The following PTPRQ variants were observed in gnomAD, a reference collection of about 807,000 sequenced individuals.
The protein encoded by PTPRQ is phosphatidylinositol phosphatase PTPRQ.
Under a neutral mutation model 246.0 loss-of-function variants are expected in PTPRQ, and 199 were observed. That is an observed-to-expected ratio of 0.81 (90% CI 0.72 to 0.91). The LOEUF is 0.91. Ranked by LOEUF, PTPRQ falls within the 40% of genes least tolerant of loss-of-function variation. The pLI, the probability that PTPRQ is intolerant of heterozygous loss-of-function variation, is 0.00. For missense variants in PTPRQ, 2,624 were observed against 2,528.4 expected, an observed-to-expected ratio of 1.04 and a Z score of -0.81; for synonymous variants, 869 against 853.2, an observed-to-expected ratio of 1.02 and a Z score of -0.32.
At chr12:80,670,570 A>G (rs185362063) in intron 42 of PTPRQ, 78 bp downstream of exon 42, 3 of 1,398,592 alleles carry the variant, frequency 2.1e-6, no homozygotes, top group African/African-American at 1.5e-5. Flanking sequence ...TTTTTTATAA[A>G]ATGTTCATGT....
intron 33 of PTPRQ, among the ~76,000 whole-genome samples, chr12:80,628,638 T>C (rs1238766647): frequency 6.6e-6 from 1 of 152,310 alleles, no homozygotes; most frequent in East Asian, 1.9e-4. Context: ...AGCAAATATT[T>C]ATTTAATATT....
At chr12:80,678,947 C>T (rs1901232515) in intron 44 of PTPRQ, 39 bp from the exon 45 acceptor site, 2 of 1,523,032 alleles carry the variant, frequency 1.3e-6, no homozygotes, top group East Asian at 2.5e-5. Context: ...GAACTGTTAA[C>T]TTCAACACTC....
intron 35 of PTPRQ, among the ~76,000 whole-genome samples, chr12:80,638,893 G>A (rs116636568): frequency 3.9e-4 from 60 of 152,252 alleles, no homozygotes; most frequent in African/African-American, 1.3e-3. Context: ...ATAATTCTTA[G>A]GAAGAATATG....
intron 17 of PTPRQ, among the ~76,000 whole-genome samples, chr12:80,520,629 T>A (rs1895449628): frequency 6.6e-6 from 1 of 151,528 alleles, no homozygotes; most frequent in South Asian, 2.1e-4. Flanking sequence ...TTTGTCCTTG[T>A]GATAGTTTGC....
rs147103102 is a variant in PTPRQ at position 80,623,459 on chromosome 12, G to A, written c.5686+1325G>A. Among the ~76,000 whole-genome samples the A allele has an allele frequency of 2.0e-4, 30 of 152,208 alleles. No individual in the cohort carries two copies. The East Asian group carries it at 5.8e-3, about 29-fold the overall frequency. On this transcript the variant is annotated intron_variant, in intron 33 of 44. Transcript: ENST00000644991. ...TGATTAGTTTTGTGGTTTTGAAATTGTATCAAGTGTTTCTTCATTTGATAG... is the reference window on the plus strand; with the variant it reads ...TGATTAGTTTTGTGGTTTTGAAATTATATCAAGTGTTTCTTCATTTGATAG...
intron 3 of PTPRQ, among the ~76,000 whole-genome samples, chr12:80,451,048 A>G (rs892219995): frequency 7.2e-5 from 11 of 152,186 alleles, no homozygotes; most frequent in African/African-American, 2.7e-4. Flanking sequence ...TATTGCCACA[A>G]TTTCAGAGCC....
chr12:80,591,782 G>C (rs1019214017), intron 26 of PTPRQ, among the ~76,000 whole-genome samples: 1 of 152,116 alleles, frequency 6.6e-6, no homozygotes, highest in Non-Finnish European at 1.5e-5. Flanking sequence ...GTAACCTTTG[G>C]TTAAATTATG....
At chr12:80,564,387 C>T (rs1026317842) in intron 25 of PTPRQ, among the ~76,000 whole-genome samples, 1 of 152,150 alleles carries the variant, frequency 6.6e-6, no homozygotes, top group African/African-American at 2.4e-5. Context: ...AGCCTCCTTT[C>T]ATTTATTGTG....
intron 25 of PTPRQ, among the ~76,000 whole-genome samples, chr12:80,563,506 A>G (rs1012184938): frequency 2.0e-5 from 3 of 152,216 alleles, no homozygotes; most frequent in Non-Finnish European, 4.4e-5. Context: ...AGGTTTCAAC[A>G]TATGAATTTT....
intron 32 of PTPRQ, among the ~76,000 whole-genome samples, chr12:80,621,199 A>G (rs1052534486): frequency 1.3e-5 from 2 of 151,940 alleles, no homozygotes; most frequent in Non-Finnish European, 2.9e-5. Flanking sequence ...TATCATCTCT[A>G]TTAAATGCAA....
intron 12 of PTPRQ, among the ~76,000 whole-genome samples, chr12:80,495,686 A>G (rs1894595082): frequency 6.6e-6 from 1 of 152,082 alleles, no homozygotes; most frequent in African/African-American, 2.4e-5. Flanking sequence ...ACTAAAATGT[A>G]CGAATGCAAA....
chr12:80,516,932 GA>G lies in PTPRQ; in HGVS notation c.2678+6490del, dbSNP rs1203740281. 2.0e-5 allele frequency among the ~76,000 whole-genome samples: 3 copies of G among 152,284 alleles called. No individual in the cohort carries two copies. In the East Asian group the frequency reaches 5.8e-4, roughly 29 times the overall value. On this transcript the variant is annotated intron_variant, in intron 17 of 44. Transcript: ENST00000644991. Reference sequence around the variant, plus strand: ...AGTAGCATTATAGACATGGAGTACTGAGGCTAAGTTGGGAAGATGAAAGAAA... The same window carrying G: ...AGTAGCATTATAGACATGGAGTACTGGGCTAAGTTGGGAAGATGAAAGAAA...
Position 80,679,011 on chromosome 12 carries a change from AACC to A in PTPRQ, c.6891_6893del (p.Thr2298del). The A allele has an allele frequency of 6.5e-7, 1 of 1,548,210 alleles. No homozygotes were observed. The highest frequency in any genetic ancestry group is 8.7e-7 in the Non-Finnish European group (1 of 1,145,422). ...GTGATGTTGAGCTTGAATGGGAAGA[AACC>A]ACTATGTAAATATTCAGACCAAAGG... On this transcript the variant is annotated inframe_deletion, in exon 45 of 45. Coordinates refer to ENST00000644991, the MANE Select transcript of PTPRQ (RefSeq NM_001145026.2).
intron 17 of PTPRQ, among the ~76,000 whole-genome samples, chr12:80,525,229 T>G (rs1033102655): frequency 6.6e-6 from 1 of 152,194 alleles, no homozygotes; most frequent in Non-Finnish European, 1.5e-5. Context: ...TATGCGGAAC[T>G]ATTGAAATAA....
At chr12:80,448,536 C>A (rs1892629784) in intron 3 of PTPRQ, among the ~76,000 whole-genome samples, 1 of 151,626 alleles carries the variant, frequency 6.6e-6, no homozygotes, top group African/African-American at 2.4e-5. Flanking sequence ...CCCCCCACCC[C>A]ACAACAGTCC....
At chr12:80,660,530 A>G (rs1163014) in intron 39 of PTPRQ, among the ~76,000 whole-genome samples, 76,510 of 151,830 alleles carry the variant, frequency 0.5, 21,868 homozygotes, top group African/African-American at 0.8. Context: ...TTTTCAAGAG[A>G]GTCAAAAATG....
chr12:80,633,276 A>G (rs1384818514), intron 34 of PTPRQ, among the ~76,000 whole-genome samples: 2 of 152,244 alleles, frequency 1.3e-5, no homozygotes, highest in Non-Finnish European at 2.9e-5. Context: ...AAGTTTATAC[A>G]GAAAGAGATC....
chr12:80,482,015 G>GA (rs1353631288), intron 8 of PTPRQ, among the ~76,000 whole-genome samples: 206 of 140,270 alleles, frequency 1.5e-3, no homozygotes, highest in African/African-American at 5.4e-3. Flanking sequence ...CACAGAATTG[G>GA]AAAAAACTAC....
chr12:80,493,494 C>G, intron 10 of PTPRQ, 39 bp downstream of exon 10: 1 of 1,532,840 alleles, frequency 6.5e-7, no homozygotes, highest in East Asian at 2.5e-5. Flanking sequence ...TTCATTTAAA[C>G]CACCAGTGCT....
Sources: allele counts gnomAD v4.1 joint callset (sites outside exome capture counted in the v4.1 genomes callset), GRCh38; gene constraint gnomAD v4.1.1; transcripts MANE v1.5; gene names NCBI Gene and HGNC (gene_info 2026-07-23, HGNC 2026-07-21).